The following TMEM63B variants were observed in gnomAD, a reference collection of about 807,000 sequenced individuals.
TMEM63B encodes the protein mechanosensitive cation channel TMEM63B.
A neutral mutation model predicts 102.6 loss-of-function variants in TMEM63B; 23 were observed. That is an observed-to-expected ratio of 0.22 (90% CI 0.16 to 0.32). TMEM63B has a LOEUF of 0.32. Among genes scored for constraint, TMEM63B ranks in the 10% least tolerant of loss-of-function variants. The pLI is 1.00. For missense variants in TMEM63B, 628 were observed against 1,095.9 expected (o/e 0.57, Z 6.03); for synonymous variants, 444 against 437.0 (o/e 1.02, Z -0.20).
rs770014946 is a variant in TMEM63B at position 44,148,427 on chromosome 6, G to A, written c.1121+42G>A. 2.5e-6 allele frequency: 4 copies of A among 1,613,880 alleles called. No homozygotes were observed. The highest frequency in any genetic ancestry group is 8.5e-7 in the Non-Finnish European group (1 of 1,179,812). On this transcript the variant is annotated intron_variant, in intron 13 of 23. Coordinates refer to ENST00000323267, the MANE Select transcript of TMEM63B (RefSeq NM_018426.3). This position sits in a 1 kb window ranked among gnomAD's most constrained non-coding sequence, Gnocchi z 5.1. Reference sequence around the variant, plus strand: ...GCCCTCGGCCCTGAGCAGCCCTCCAGGGCTCCCTGACCCCTGTGCTCATGG... The same window carrying A: ...GCCCTCGGCCCTGAGCAGCCCTCCAAGGCTCCCTGACCCCTGTGCTCATGG...
chr6:44,147,332 AG>A (rs748934808), intron 11 of TMEM63B, 44 bp from the exon 12 acceptor site: 1 of 1,613,892 alleles, frequency 6.2e-7, no homozygotes. Context: ...AAGCTGAGCC[AG>A]CCCCAGCCCC....
In TMEM63B at chr6:44,149,847, G is replaced by A. The variant is rs1356831506; in HGVS notation, c.1414-12G>A. ...ACTGCCCTGCCTGACGCCCCCCTGT[G>A]CCCTGCTGCAGAACCCCATCATCAC... On this transcript the variant is annotated splice_polypyrimidine_tract_variant and intron_variant, in intron 15 of 23. Coordinates refer to ENST00000323267, the MANE Select transcript of TMEM63B (RefSeq NM_018426.3). 1 of 1,602,816 alleles carries A rather than the reference G, an allele frequency of 6.2e-7. No individual in the cohort carries two copies. Among genetic ancestry groups the A allele is most frequent in the East Asian group, 2.3e-5 (1 of 44,146 alleles).
chr6:44,140,441 C>T (rs1172633686), intron 9 of TMEM63B, 81 bp downstream of exon 9: 3 of 1,160,126 alleles, frequency 2.6e-6, no homozygotes, highest in Non-Finnish European at 3.8e-6. Context: ...TGTCTCAGCC[C>T]CAAGAGGTGT....
chr6:44,142,144 G>C lies in TMEM63B; in HGVS notation c.782+1046G>C, dbSNP rs183563858. On this transcript the variant is annotated intron_variant, in intron 10 of 23. Coordinates refer to ENST00000323267, the MANE Select transcript of TMEM63B (RefSeq NM_018426.3). The stretch of plus-strand genomic sequence containing the variant: ...CAAATGTTTCAAAAAATAAAAAATA[G>C]AAGAGGCCAGGCACGGTGGCTCACG... Among the ~76,000 whole-genome samples, 85 of 147,620 alleles carry C rather than the reference G, an allele frequency of 5.8e-4. 1 individual carries two copies. The East Asian group carries it at 0.015, about 26-fold the overall frequency.
At chr6:44,153,989 A>G in intron 21 of TMEM63B, 84 bp from the exon 22 acceptor site, 1 of 1,556,430 alleles carries the variant, frequency 6.4e-7, no homozygotes, top group Middle Eastern at 1.7e-4. Flanking sequence ...TGGGAGAGTG[A>G]GGACTGCATT....
At position 44,152,523 on chromosome 6, in the gene TMEM63B, T is replaced by G; in HGVS notation, c.1837-70T>G. 4.2e-6 allele frequency: 4 copies of G among 946,498 alleles called. No homozygotes were observed. Among genetic ancestry groups the G allele is most frequent in the Non-Finnish European group, 6.7e-6 (4 of 599,444 alleles). 58.6% of individuals were successfully genotyped at this position (946,498 alleles called of 1,614,324 possible). A position where few individuals can be genotyped will look rare whatever the true frequency, so the allele number is the denominator to read the frequency against. On this transcript the variant is annotated intron_variant, in intron 19 of 23. Coordinates refer to ENST00000323267, the MANE Select transcript of TMEM63B (RefSeq NM_018426.3). The surrounding 1 kb of genome is among the most constrained non-coding windows in gnomAD (Gnocchi z 6.4). Reference sequence around the variant, plus strand: ...CCAGAGGTCCTGGCTCCCTTCCCCCTCCCTCCTTCCCTGCCCCTCTGGTCA... The same window carrying G: ...CCAGAGGTCCTGGCTCCCTTCCCCCGCCCTCCTTCCCTGCCCCTCTGGTCA...
intron 1 of TMEM63B, among the ~76,000 whole-genome samples, chr6:44,129,574 A>G (rs1777894798): frequency 6.6e-6 from 1 of 152,132 alleles, no homozygotes; most frequent in Admixed American, 6.5e-5. Flanking sequence ...CCACAGATGG[A>G]TGGGGTATGT....
At chr6:44,137,263 A>C (rs2128230718) in intron 5 of TMEM63B, among the ~76,000 whole-genome samples, 2 of 152,296 alleles carry the variant, frequency 1.3e-5, no homozygotes, top group Middle Eastern at 6.8e-3. Context: ...GACCTAACAC[A>C]CAGGTGTTAC....
intron 1 of TMEM63B, 173 bp downstream of exon 1, chr6:44,127,851 C>G (rs1455238148): frequency 6.6e-6 from 1 of 151,784 alleles, no homozygotes; most frequent in Non-Finnish European, 1.5e-5. Flanking sequence ...CAACCCCGCA[C>G]CATCCCGAGC....
At position 44,152,528 on chromosome 6, in the gene TMEM63B, C is replaced by A; in HGVS notation, c.1837-65C>A. ...GGTCCTGGCTCCCTTCCCCCTCCCT[C>A]CTTCCCTGCCCCTCTGGTCAGTCCC... On this transcript the variant is annotated intron_variant, in intron 19 of 23. Transcript: ENST00000323267. This position sits in a 1 kb window ranked among gnomAD's most constrained non-coding sequence, Gnocchi z 6.4. 8.1e-7 allele frequency: 1 copy of A among 1,238,648 alleles called. No homozygotes were observed. Among genetic ancestry groups the A allele is most frequent in the Non-Finnish European group, 1.2e-6 (1 of 854,128 alleles). The allele number at this position is 1,238,648 out of a possible 1,614,324, so 76.7% of individuals were successfully genotyped here.
At chr6:44,128,898 TTGGCCTG>T (rs1257455606) in intron 1 of TMEM63B, among the ~76,000 whole-genome samples, 1 of 152,176 alleles carries the variant, frequency 6.6e-6, no homozygotes, top group Non-Finnish European at 1.5e-5. Flanking sequence ...CAGTGCAGTC[TTGGCCTG>T]TGGGTGGATG....
chr6:44,135,292 C>A, intron 3 of TMEM63B, 36 bp from the exon 4 acceptor site: 1 of 1,603,912 alleles, frequency 6.2e-7, no homozygotes. Context: ...GGACTCTCCC[C>A]CGCCCCTGCT....
intron 9 of TMEM63B, 46 bp downstream of exon 9, chr6:44,140,406 C>T (rs1341110974): frequency 6.8e-7 from 1 of 1,479,190 alleles, no homozygotes; most frequent in Non-Finnish European, 9.4e-7. Flanking sequence ...CAGCCTCTTC[C>T]CTTCCCTTCC....
chr6:44,138,872 A>T (rs1265574660), intron 6 of TMEM63B: 1 of 319,820 alleles, frequency 3.1e-6, no homozygotes, highest in Admixed American at 4.1e-5. Flanking sequence ...AACTCAGGAG[A>T]TCCAGCCAGA....
At chr6:44,132,709 C>T (rs1477108777) in intron 1 of TMEM63B, among the ~76,000 whole-genome samples, 1 of 138,066 alleles carries the variant, frequency 7.2e-6, no homozygotes, top group African/African-American at 2.9e-5. Context: ...CGTGGACTGC[C>T]ATGCAGTCAC....
At chr6:44,135,177 C>G in intron 3 of TMEM63B, 81 bp downstream of exon 3, 3 of 1,586,498 alleles carry the variant, frequency 1.9e-6, no homozygotes, top group Non-Finnish European at 2.6e-6. Context: ...GGAGCCAGCC[C>G]TCTCTCATTC....
chr6:44,147,779 G>A (rs191077049), intron 12 of TMEM63B, among the ~76,000 whole-genome samples: 4 of 152,322 alleles, frequency 2.6e-5, no homozygotes, highest in East Asian at 1.9e-4. Context: ...TGGGGTTAAC[G>A]TACCCACCTT....
At chr6:44,135,531 G>A (rs772461055) in intron 4 of TMEM63B, among the ~76,000 whole-genome samples, 165 bp downstream of exon 4, 1 of 152,206 alleles carries the variant, frequency 6.6e-6, no homozygotes, top group Non-Finnish European at 1.5e-5. Context: ...CAGAGCAGGG[G>A]GCTCCCCAGC....
rs781100569 is a variant in TMEM63B at position 44,141,110 on chromosome 6, A to G, written c.782+12A>G. On this transcript the variant is annotated intron_variant, in intron 10 of 23. Transcript: ENST00000323267. The stretch of plus-strand genomic sequence containing the variant: ...AAGAAGCATTTTGAGTGAGTAAGCC[A>G]CGCTTCCCCCTACCCTCAAGCCCTG... 3.1e-5 allele frequency: 50 copies of G among 1,613,282 alleles called. No individual in the cohort carries two copies. Among genetic ancestry groups the G allele is most frequent in the Non-Finnish European group, 3.7e-5 (44 of 1,179,686 alleles).
Sources: allele counts gnomAD v4.1 joint callset (sites outside exome capture counted in the v4.1 genomes callset), GRCh38; gene constraint gnomAD v4.1.1; non-coding constraint Gnocchi (gnomAD v3.1); transcripts MANE v1.5; gene names NCBI Gene and HGNC (gene_info 2026-07-23, HGNC 2026-07-21).